IFT52: variants seen among roughly 807,000 people sequenced by gnomAD.
IFT52 encodes the protein intraflagellar transport protein 52 homolog.
IFT52 carries 44 observed loss-of-function variants against 54.4 expected under a neutral mutation model. The observed-to-expected ratio is 0.81, with a 90% CI of 0.63 to 1.04. IFT52 has a LOEUF of 1.04. Ranked by LOEUF, IFT52 falls within the 50% of genes least tolerant of loss-of-function variation. IFT52 has a pLI of 0.00. For missense variants in IFT52, 452 were observed against 523.6 expected (o/e 0.86, Z 1.33); for synonymous variants, 181 against 185.3 (o/e 0.98, Z 0.19).
intron 7 of IFT52, among the ~76,000 whole-genome samples, chr20:43,616,716 A>T (rs893400451): frequency 1.1e-4 from 17 of 152,072 alleles, no homozygotes; most frequent in Non-Finnish European, 4.4e-5. Context: ...TTAAAGTAGA[A>T]TAGCAATATA....
At chr20:43,616,249 G>A (rs1053691150) in intron 7 of IFT52, among the ~76,000 whole-genome samples, 7 of 152,102 alleles carry the variant, frequency 4.6e-5, no homozygotes, top group African/African-American at 1.7e-4. Flanking sequence ...GCTCACAACT[G>A]TAATCCCAGC....
Position 43,605,207 on chromosome 20 carries a change from G to A in IFT52, c.485+134G>A, listed in dbSNP as rs1005952345. 1.4e-5 allele frequency: 20 copies of A among 1,458,086 alleles called. No individual in the cohort carries two copies. In the African/African-American group the frequency reaches 2.0e-4, roughly 15 times the overall value. 90.3% of individuals were successfully genotyped at this position (1,458,086 alleles called of 1,614,324 possible). ...ACAGTTCAAGAGGAAAAAAGTAGAA[G>A]CTCTGCACTGTAAGTCCATGCTCCT... On this transcript the variant is annotated intron_variant, in intron 6 of 13. Coordinates refer to ENST00000373030, the MANE Select transcript of IFT52 (RefSeq NM_016004.5).
intron 10 of IFT52, among the ~76,000 whole-genome samples, chr20:43,633,891 C>T (rs747916356): frequency 2.2e-4 from 33 of 151,724 alleles, no homozygotes; most frequent in African/African-American, 3.1e-4. Context: ...AGGTTGGGTG[C>T]GGTGGCTCAT....
chr20:43,604,940 G>A (rs1982737505), intron 5 of IFT52, 62 bp from the exon 6 acceptor site: 4 of 1,540,282 alleles, frequency 2.6e-6, no homozygotes, highest in Non-Finnish European at 3.6e-6. Context: ...CTGTACTAAT[G>A]AATGCAGTGT....
intron 1 of IFT52, among the ~76,000 whole-genome samples, chr20:43,594,013 A>G (rs1981735359): frequency 6.6e-6 from 1 of 152,206 alleles, no homozygotes; most frequent in South Asian, 2.1e-4. Context: ...TAATATATGT[A>G]TAAAAAGAAT....
intron 3 of IFT52, among the ~76,000 whole-genome samples, chr20:43,599,202 T>A (rs1232849540): frequency 1.3e-5 from 2 of 152,134 alleles, no homozygotes; most frequent in African/African-American, 2.4e-5. Flanking sequence ...TATTGCTTGT[T>A]GGGCTTCGGC....
chr20:43,640,517 C>T (rs1357018558), intron 12 of IFT52, among the ~76,000 whole-genome samples: 1 of 151,942 alleles, frequency 6.6e-6, no homozygotes, highest in Non-Finnish European at 1.5e-5. Flanking sequence ...TCGGAATGTC[C>T]ATAATACATC....
At chr20:43,646,572 C>T (rs1986214091) in intron 13 of IFT52, among the ~76,000 whole-genome samples, 1 of 152,114 alleles carries the variant, frequency 6.6e-6, no homozygotes, top group Non-Finnish European at 1.5e-5. Context: ...TTTGATGTGG[C>T]TGCTCAGCAG....
intron 6 of IFT52, among the ~76,000 whole-genome samples, chr20:43,606,019 G>A (rs916169638): frequency 6.6e-6 from 1 of 152,048 alleles, no homozygotes; most frequent in Non-Finnish European, 1.5e-5. Flanking sequence ...TCACGAGTTT[G>A]AAACCAGCCT....
chr20:43,620,428 C>G (rs1310949751), intron 8 of IFT52, among the ~76,000 whole-genome samples: 1 of 152,150 alleles, frequency 6.6e-6, no homozygotes, highest in African/African-American at 2.4e-5. Flanking sequence ...GAGGCCGAGA[C>G]AGGTGGATCA....
intron 13 of IFT52, among the ~76,000 whole-genome samples, chr20:43,643,126 C>T (rs543980758): frequency 6.6e-4 from 99 of 149,602 alleles, no homozygotes; most frequent in African/African-American, 2.4e-3. Context: ...GAGATCGTGC[C>T]GTTGCACTCC....
At chr20:43,638,458 T>C (rs751751736) in intron 12 of IFT52, among the ~76,000 whole-genome samples, 11 of 152,164 alleles carry the variant, frequency 7.2e-5, no homozygotes, top group Non-Finnish European at 1.5e-4. Flanking sequence ...CCCAAAGTGC[T>C]GGGATTACAG....
intron 9 of IFT52, among the ~76,000 whole-genome samples, chr20:43,621,960 A>G (rs1984332775): frequency 1.3e-5 from 2 of 152,220 alleles, no homozygotes; most frequent in Admixed American, 1.3e-4. Context: ...AGATGAGGAA[A>G]CTGAAATCCT....
chr20:43,639,266 G>A lies in IFT52; in HGVS notation c.1120+2013G>A, dbSNP rs140308372. Among the ~76,000 whole-genome samples, 13 of 149,826 alleles carry A rather than the reference G, an allele frequency of 8.7e-5. No individual in the cohort carries two copies. In the East Asian group the frequency reaches 1.7e-3, roughly 20 times the overall value. On this transcript the variant is annotated intron_variant, in intron 12 of 13. Transcript: ENST00000373030. ...AAAAAAAAAAAAATTGCCTGAGCAC[G>A]GTGGATCATGCCTATAATCTGAACA... is the stretch of plus-strand genomic sequence containing the variant.
chr20:43,636,717 T>C (rs985373587), intron 11 of IFT52, among the ~76,000 whole-genome samples: 1 of 152,220 alleles, frequency 6.6e-6, no homozygotes, highest in African/African-American at 2.4e-5. Context: ...TAAAAACTTA[T>C]GATTAAATGA....
Position 43,599,406 on chromosome 20 carries a change from A to G in IFT52, c.207+2884A>G, listed in dbSNP as rs531201001. ...CCAGGCATGGTAGGCTGATGCATCCAAGAGACACAAGTCCTTCGAGAGGCA... is the reference window on the plus strand; with the variant it reads ...CCAGGCATGGTAGGCTGATGCATCCGAGAGACACAAGTCCTTCGAGAGGCA... On this transcript the variant is annotated intron_variant, in intron 3 of 13. Transcript: ENST00000373030. 7.2e-5 allele frequency among the ~76,000 whole-genome samples: 11 copies of G among 152,328 alleles called. No homozygotes were observed. The East Asian group carries it at 2.1e-3, about 29-fold the overall frequency.
chr20:43,639,194 AAG>A (rs1985742563), intron 12 of IFT52, among the ~76,000 whole-genome samples: 1 of 151,806 alleles, frequency 6.6e-6, no homozygotes, highest in Admixed American at 6.6e-5. Flanking sequence ...ATTGGTTAAA[AAG>A]AGTATGAAAT....
chr20:43,607,078 C>T (rs188943209), intron 6 of IFT52, among the ~76,000 whole-genome samples: 5,537 of 152,306 alleles, frequency 0.036, 346 homozygotes, highest in African/African-American at 0.12. Context: ...CATCATGGCC[C>T]GTTCTCAATG....
intron 6 of IFT52, among the ~76,000 whole-genome samples, chr20:43,606,499 C>T (rs1982895292): frequency 6.6e-6 from 1 of 151,970 alleles, no homozygotes; most frequent in Non-Finnish European, 1.5e-5. Context: ...GTCTTGAACT[C>T]CTGACCTCAG....
Sources: allele counts gnomAD v4.1 joint callset (sites outside exome capture counted in the v4.1 genomes callset), GRCh38; gene constraint gnomAD v4.1.1; transcripts MANE v1.5; gene names NCBI Gene and HGNC (gene_info 2026-07-23, HGNC 2026-07-21).